Variants in KCNMB3 observed in about 807,000 individuals in gnomAD.
KCNMB3 encodes calcium-activated potassium channel subunit beta-3.
KCNMB3 carries 18 observed loss-of-function variants against 11.9 expected under a neutral mutation model. The observed-to-expected ratio is 1.51, with a 90% CI of 1.04 to 2.23. The LOEUF (loss-of-function observed/expected upper bound fraction) is 2.23, where lower values mean the gene tolerates loss of function less well. Ranked by LOEUF, KCNMB3 falls within the 30% of genes most tolerant of loss-of-function variation. The pLI is 0.00. For synonymous variants in KCNMB3, 78 were observed against 119.2 expected (o/e 0.65, Z 2.25); for missense variants, 247 against 329.4 (o/e 0.75, Z 1.94).
intron 1 of KCNMB3, chr3:179,259,673 A>AT (rs1404108947): frequency 6.2e-7 from 1 of 1,607,954 alleles, no homozygotes; most frequent in Non-Finnish European, 8.5e-7. Flanking sequence ...ACTCTTTTTA[A>AT]ACATCTTTAA....
intron 1 of KCNMB3, among the ~76,000 whole-genome samples, chr3:179,258,292 T>C (rs115971448): frequency 0.016 from 2,471 of 152,340 alleles, 78 homozygotes; most frequent in African/African-American, 0.056. Context: ...TAAAATGAAT[T>C]TGATACATCA....
chr3:179,253,368 T>C (rs1253855436), upstream of KCNMB3, among the ~76,000 whole-genome samples: 1 of 152,262 alleles, frequency 6.6e-6, no homozygotes, highest in African/African-American at 2.4e-5. Flanking sequence ...TGTACTGTCC[T>C]AGACAAGACT....
chr3:179,244,298 T>C (rs1302008359), intron 2 of KCNMB3, among the ~76,000 whole-genome samples, 197 bp downstream of exon 2: 1 of 152,128 alleles, frequency 6.6e-6, no homozygotes, highest in East Asian at 1.9e-4. Context: ...ATTGGAATAA[T>C]TTCTCTCCTT....
chr3:179,265,644 G>A (rs1285872807), intron 1 of KCNMB3, among the ~76,000 whole-genome samples: 1 of 152,180 alleles, frequency 6.6e-6, no homozygotes, highest in Non-Finnish European at 1.5e-5. Context: ...TTTTAGTAGA[G>A]ACGGGGTTTC....
In KCNMB3 at chr3:179,266,890, C is replaced by A. The variant is rs1726385411; in HGVS notation, c.-180G>T. The A allele has an allele frequency of 7.0e-6, 10 of 1,424,858 alleles. No homozygotes were observed. In the East Asian group the frequency reaches 2.5e-4, roughly 36 times the overall value. The allele number at this position is 1,424,858 out of a possible 1,614,324, so 88.3% of individuals were successfully genotyped here. On this transcript the variant is annotated 5_prime_UTR_variant, in exon 1 of 4. Coordinates refer to the KCNMB3 transcript ENST00000349697. ...TGGAGAGGTGAGAACTTCAGGCAGG[C>A]TAGCCACGTGGTTCTGCAGACTCCT...
intron 1 of KCNMB3, chr3:179,259,182 T>A (rs1335790274): frequency 4.5e-6 from 7 of 1,554,382 alleles, no homozygotes; most frequent in Non-Finnish European, 6.1e-6. Flanking sequence ...CTGACTTGGA[T>A]GTTCTGACAT....
chr3:179,254,077 G>C (rs116089306), upstream of KCNMB3, among the ~76,000 whole-genome samples: 2 of 152,160 alleles, frequency 1.3e-5, no homozygotes, highest in South Asian at 4.1e-4. Context: ...TGGTGAACTT[G>C]AGCTTTTGTT....
chr3:179,263,505 C>T (rs1726286986), intron 1 of KCNMB3, among the ~76,000 whole-genome samples: 1 of 150,736 alleles, frequency 6.6e-6, no homozygotes, highest in African/African-American at 2.5e-5. Flanking sequence ...GGAGAGCGAG[C>T]GAGGGCTGCA....
chr3:179,240,099 TG>T (rs1481183565), downstream of KCNMB3: 17 of 1,456,790 alleles, frequency 1.2e-5, no homozygotes, highest in African/African-American at 1.4e-5. Context: ...AATTACTTTT[TG>T]TGTCCAAACA....
intron 1 of KCNMB3, among the ~76,000 whole-genome samples, chr3:179,246,783 A>G (rs1725658125): frequency 6.6e-6 from 1 of 152,230 alleles, no homozygotes; most frequent in Non-Finnish European, 1.5e-5. Flanking sequence ...TACTGAACTG[A>G]GTATGATTTG....
upstream of KCNMB3, among the ~76,000 whole-genome samples, chr3:179,251,920 C>T (rs1725861733): frequency 6.6e-6 from 1 of 152,120 alleles, no homozygotes; most frequent in South Asian, 2.1e-4. Context: ...CAGTGTTTCA[C>T]CATGTTGGCC....
chr3:179,248,364 G>C (rs768058662), intron 1 of KCNMB3, among the ~76,000 whole-genome samples: 7 of 152,158 alleles, frequency 4.6e-5, no homozygotes, highest in Non-Finnish European at 1.0e-4. Context: ...CAATTCAGGG[G>C]TTAGGGATGC....
Position 179,251,015 on chromosome 3 carries a change from A to G in KCNMB3, c.-25T>C. On this transcript the variant is annotated 5_prime_UTR_variant, in exon 1 of 3. Transcript: ENST00000392685. ...TTTCCAATCCATGGGGACTGGAGGG[A>G]TAATCTCATTTGCTGCCTACCTGTG... 1 of 1,614,212 alleles carries G rather than the reference A, an allele frequency of 6.2e-7. No homozygotes were observed. The highest frequency in any genetic ancestry group is 8.5e-7 in the Non-Finnish European group (1 of 1,180,038).
upstream of KCNMB3, among the ~76,000 whole-genome samples, chr3:179,252,580 G>C (rs559481595): frequency 3.3e-5 from 5 of 152,220 alleles, no homozygotes; most frequent in Admixed American, 3.3e-4. Context: ...ACCAACCTCA[G>C]AAGGTGGGGC....
At chr3:179,254,668 T>C (rs1324810374), upstream of KCNMB3, among the ~76,000 whole-genome samples, 1 of 152,052 alleles carries the variant, frequency 6.6e-6, no homozygotes, top group Admixed American at 6.6e-5. Context: ...AAAAATTAGC[T>C]GGGCGTGGTG....
At chr3:179,249,960 G>C (rs1725778787) in intron 1 of KCNMB3, among the ~76,000 whole-genome samples, 1 of 152,108 alleles carries the variant, frequency 6.6e-6, no homozygotes, top group African/African-American at 2.4e-5. Context: ...GGGTTGATCT[G>C]TGCTGCAAAC....
intron 1 of KCNMB3, among the ~76,000 whole-genome samples, chr3:179,258,144 C>T (rs577880182): frequency 1.2e-4 from 18 of 152,300 alleles, no homozygotes; most frequent in African/African-American, 4.3e-4. Context: ...CCTTGGCCTC[C>T]CAACGTGCTG....
chr3:179,266,663 C>A, exon 1 of KCNMB3: 1 of 1,614,194 alleles, frequency 6.2e-7, no homozygotes, highest in Non-Finnish European at 8.5e-7. Context: ...CCTGGCGCCT[C>A]CGGCTGCCCT....
chr3:179,243,774 C>T (rs1446526444), intron 2 of KCNMB3, among the ~76,000 whole-genome samples: 1 of 152,122 alleles, frequency 6.6e-6, no homozygotes, highest in Non-Finnish European at 1.5e-5. Flanking sequence ...GACTTTGGTT[C>T]CTGGGAGACA....
Sources: allele counts gnomAD v4.1 joint callset (sites outside exome capture counted in the v4.1 genomes callset), GRCh38; gene constraint gnomAD v4.1.1; transcripts MANE v1.5; gene names NCBI Gene and HGNC (gene_info 2026-07-23, HGNC 2026-07-21).